Variants in EHMT1 observed in about 807,000 individuals in gnomAD.
The protein encoded by EHMT1 is euchromatic histone lysine methyltransferase 1.
EHMT1 carries 15 observed loss-of-function variants against 147.2 expected under a neutral mutation model. The observed-to-expected ratio is 0.10, with a 90% CI of 0.07 to 0.16. EHMT1 has a LOEUF of 0.16. Ranked by LOEUF, EHMT1 falls within the 10% of genes least tolerant of loss-of-function variation. EHMT1 has a pLI of 1.00. For synonymous variants in EHMT1, 795 were observed against 709.6 expected (o/e 1.12, Z -1.91); for missense variants, 1,587 against 1,772.4 (o/e 0.90, Z 1.88).
At chr9:137,753,079 G>A (rs1320532551) in intron 7 of EHMT1, among the ~76,000 whole-genome samples, 1 of 152,134 alleles carries the variant, frequency 6.6e-6, no homozygotes, top group East Asian at 1.9e-4. Flanking sequence ...GGAGCCTCAG[G>A]AAGCCCCCAG....
rs549525137 is a variant in EHMT1 at position 137,814,746 on chromosome 9, G to A, written c.3258+238G>A. 79 of 606,040 alleles carry A rather than the reference G, an allele frequency of 1.3e-4. No homozygotes were observed. The South Asian group carries it at 1.5e-3, about 11-fold the overall frequency. 37.5% of individuals were successfully genotyped at this position (606,040 alleles called of 1,614,324 possible). On this transcript the variant is annotated intron_variant, in intron 22 of 26. Coordinates refer to ENST00000460843, the MANE Select transcript of EHMT1 (RefSeq NM_024757.5). ...GCTGGGGTCTGCATCCTTTGTGGCT[G>A]CCTGGATGGTGGCGGGGGTGGGCAG...
chr9:137,788,294 C>T (rs887687523), intron 15 of EHMT1: 17 of 414,078 alleles, frequency 4.1e-5, no homozygotes, highest in Non-Finnish European at 6.4e-5. Context: ...GATGACCGAG[C>T]GGCTGGTAGG....
At chr9:137,682,879 G>C (rs565668062) in intron 1 of EHMT1, among the ~76,000 whole-genome samples, 9 of 152,340 alleles carry the variant, frequency 5.9e-5, no homozygotes, top group Admixed American at 5.9e-4. Context: ...CTCCAGCCCA[G>C]CTGCGAACAG....
At chr9:137,779,105 C>T (rs191581537) in intron 13 of EHMT1, among the ~76,000 whole-genome samples, 92 of 152,326 alleles carry the variant, frequency 6.0e-4, no homozygotes, top group African/African-American at 6.3e-4. Context: ...CACATTTCAA[C>T]GTGAGTTTTG....
intron 2 of EHMT1, among the ~76,000 whole-genome samples, chr9:137,714,696 G>A (rs1298231238): frequency 6.6e-6 from 1 of 151,428 alleles, no homozygotes; most frequent in Non-Finnish European, 1.5e-5. Context: ...GGGACTACAA[G>A]TGTGCACCTC....
intron 6 of EHMT1, among the ~76,000 whole-genome samples, chr9:137,751,934 T>C (rs1949002961): frequency 6.6e-6 from 1 of 152,250 alleles, no homozygotes; most frequent in Non-Finnish European, 1.5e-5. Flanking sequence ...AATCTTTTTA[T>C]GATTGTTCTG....
intron 25 of EHMT1, among the ~76,000 whole-genome samples, chr9:137,827,231 C>G (rs1955866871): frequency 6.6e-6 from 1 of 152,204 alleles, no homozygotes. Flanking sequence ...TGCAGCCAGG[C>G]CTCGCCTCCC....
rs906177763 is a variant in EHMT1, at chr9:137,656,724, C to CT, written c.21+37686dup. On this transcript the variant is annotated intron_variant, in intron 1 of 26. Coordinates refer to ENST00000460843, the MANE Select transcript of EHMT1 (RefSeq NM_024757.5). ...TCTCACCCACAGCTGGATGCCCTTC[C>CT]TTTTTTTTTTTAATTTTAATTTTAA... Among the ~76,000 whole-genome samples, 90 of 147,488 alleles carry CT rather than the reference C, an allele frequency of 6.1e-4. 1 individual carries two copies. In the Middle Eastern group the frequency reaches 0.014, roughly 23 times the overall value.
chr9:137,646,367 G>T, intron 1 of EHMT1: 1 of 985,544 alleles, frequency 1.0e-6, no homozygotes, highest in Non-Finnish European at 1.2e-6. Context: ...TTTCAAGTTT[G>T]TGCTGCGGGC....
intron 1 of EHMT1, among the ~76,000 whole-genome samples, chr9:137,699,754 T>C (rs1390185166): frequency 2.7e-5 from 4 of 150,614 alleles, no homozygotes; most frequent in African/African-American, 9.8e-5. Flanking sequence ...AAGGCCTAAG[T>C]GGGAGGATCT....
chr9:137,774,241 C>G (rs552575820), intron 10 of EHMT1, among the ~76,000 whole-genome samples: 8 of 152,284 alleles, frequency 5.3e-5, no homozygotes, highest in Non-Finnish European at 8.8e-5. Context: ...CCAGAACCTT[C>G]CTTGACTTCT....
intron 1 of EHMT1, among the ~76,000 whole-genome samples, chr9:137,666,522 G>A (rs1000670290): frequency 6.6e-6 from 1 of 151,178 alleles, no homozygotes; most frequent in Non-Finnish European, 1.5e-5. Context: ...CAGGGACCCT[G>A]GGACCAGAGG....
intron 18 of EHMT1, among the ~76,000 whole-genome samples, chr9:137,801,642 G>T (rs1953498074): frequency 6.6e-6 from 1 of 152,174 alleles, no homozygotes; most frequent in South Asian, 2.1e-4. Flanking sequence ...GGGATTATAG[G>T]CGCCCACGAC....
chr9:137,672,341 ATTTTATGTTAACATGTAG>A (rs751057224), intron 1 of EHMT1, among the ~76,000 whole-genome samples: 25 of 152,128 alleles, frequency 1.6e-4, no homozygotes, highest in Non-Finnish European at 2.9e-4. Flanking sequence ...TTCATAAAGT[ATTTTATGTTAACATGTAG>A]TAGGTTTATT....
intron 1 of EHMT1, among the ~76,000 whole-genome samples, chr9:137,709,621 G>C (rs1228663820): frequency 1.3e-5 from 2 of 152,122 alleles, no homozygotes; most frequent in African/African-American, 4.8e-5. Flanking sequence ...CCCCATTGTT[G>C]ACATGTTTTC....
At chr9:137,684,076 C>A (rs1942212300) in intron 1 of EHMT1, among the ~76,000 whole-genome samples, 1 of 152,002 alleles carries the variant, frequency 6.6e-6, no homozygotes, top group South Asian at 2.1e-4. Context: ...ACTCTGTCAC[C>A]CAGGCTGGAG....
chr9:137,631,356 G>C (rs191984491), intron 1 of EHMT1, among the ~76,000 whole-genome samples: 3 of 151,916 alleles, frequency 2.0e-5, no homozygotes, highest in Admixed American at 6.6e-5. Flanking sequence ...CGTGCCATTG[G>C]ACTCCAGCCT....
At chr9:137,705,436 A>C (rs544717543) in intron 1 of EHMT1, among the ~76,000 whole-genome samples, 1 of 152,358 alleles carries the variant, frequency 6.6e-6, no homozygotes, top group African/African-American at 2.4e-5. Context: ...TTAAGTGGCA[A>C]GAACTGAAGC....
At chr9:137,619,121 A>G (rs1842779151) in intron 1 of EHMT1, 72 bp downstream of exon 1, 2 of 336,310 alleles carry the variant, frequency 5.9e-6, no homozygotes, top group Non-Finnish European at 8.1e-6. Context: ...GGGGCGAAGA[A>G]CCGGGCGGGG....
Sources: allele counts gnomAD v4.1 joint callset (sites outside exome capture counted in the v4.1 genomes callset), GRCh38; gene constraint gnomAD v4.1.1; transcripts MANE v1.5; gene names NCBI Gene and HGNC (gene_info 2026-07-23, HGNC 2026-07-21).